Variants in RBFOX1 observed in about 807,000 individuals in gnomAD.
The protein encoded by RBFOX1 is RNA binding protein fox-1 homolog 1.
A neutral mutation model predicts 57.7 loss-of-function variants in RBFOX1; 8 were observed. That is an observed-to-expected ratio of 0.14 (90% CI 0.08 to 0.25). The LOEUF (loss-of-function observed/expected upper bound fraction) is 0.25, where lower values mean the gene tolerates loss of function less well. Among genes scored for constraint, RBFOX1 ranks in the 10% least tolerant of loss-of-function variants. The pLI, the probability that RBFOX1 is intolerant of heterozygous loss-of-function variation, is 1.00. For missense variants in RBFOX1, 611 were observed against 548.5 expected (o/e 1.11, Z -1.14); for synonymous variants, 326 against 222.4 (o/e 1.47, Z -4.15).
intron 3 of RBFOX1, among the ~76,000 whole-genome samples, chr16:6,812,313 C>G (rs573298439): frequency 1.2e-4 from 18 of 152,258 alleles, no homozygotes; most frequent in African/African-American, 3.4e-4. Flanking sequence ...CTAACAGAAC[C>G]TTAGAAAGGA....
At chr16:5,760,443 A>T (rs1205240972) in intron 3 of RBFOX1, among the ~76,000 whole-genome samples, 1 of 152,180 alleles carries the variant, frequency 6.6e-6, no homozygotes, top group African/African-American at 2.4e-5. Context: ...TAGGTATTCA[A>T]TTACATGTCC....
At chr16:5,752,450 A>G (rs1482448473) in intron 3 of RBFOX1, among the ~76,000 whole-genome samples, 1 of 152,190 alleles carries the variant, frequency 6.6e-6, no homozygotes, top group Admixed American at 6.5e-5. Flanking sequence ...TGCTCCAAAC[A>G]TTCACTATTG....
At chr16:6,816,600 C>T (rs113710030) in intron 3 of RBFOX1, among the ~76,000 whole-genome samples, 13,714 of 151,384 alleles carry the variant, frequency 0.091, 977 homozygotes, top group African/African-American at 0.19. Context: ...ATTAGCCAGG[C>T]GTGGTGGCGG....
At chr16:6,496,908 C>A (rs180851999) in intron 2 of RBFOX1, among the ~76,000 whole-genome samples, 3 of 151,894 alleles carry the variant, frequency 2.0e-5, no homozygotes, top group East Asian at 1.9e-4. Flanking sequence ...TGTGGTGAGC[C>A]GAGACTACGC....
chr16:6,394,319 T>C (rs1463674438), intron 2 of RBFOX1, among the ~76,000 whole-genome samples: 7 of 152,216 alleles, frequency 4.6e-5, no homozygotes, highest in African/African-American at 7.2e-5. Context: ...AGTGCTGAGA[T>C]CCACAGATGA....
chr16:6,383,153 A>G (rs1328214047), intron 2 of RBFOX1, among the ~76,000 whole-genome samples: 1 of 152,238 alleles, frequency 6.6e-6, no homozygotes, highest in Non-Finnish European at 1.5e-5. Context: ...CGCTCCCACA[A>G]CATTTTGGTA....
At chr16:7,353,339 T>C (rs528865484) in intron 4 of RBFOX1, among the ~76,000 whole-genome samples, 2 of 152,110 alleles carry the variant, frequency 1.3e-5, no homozygotes, top group Non-Finnish European at 2.9e-5. Flanking sequence ...TGCGGAGAAA[T>C]TGGAATGCAC....
chr16:6,162,191 C>T (rs190557737), intron 1 of RBFOX1, among the ~76,000 whole-genome samples: 3 of 152,170 alleles, frequency 2.0e-5, no homozygotes, highest in African/African-American at 7.2e-5. Flanking sequence ...CATCTTGGCT[C>T]ACTGCAACTT....
intron 1 of RBFOX1, among the ~76,000 whole-genome samples, chr16:6,245,699 C>CA (rs2097565450): frequency 1.3e-5 from 2 of 152,262 alleles, no homozygotes; most frequent in Admixed American, 6.5e-5. Flanking sequence ...ATTCTTTCTT[C>CA]ATGAAGCAGG....
intron 1 of RBFOX1, among the ~76,000 whole-genome samples, chr16:6,164,085 C>A (rs1002770560): frequency 6.6e-6 from 1 of 152,130 alleles, no homozygotes; most frequent in African/African-American, 2.4e-5. Context: ...TTAGTCCTCA[C>A]GCTGTACTCA....
rs117998702 is a variant in RBFOX1 at position 6,655,076 on chromosome 16, T to C, written c.-16+426T>C. Among the ~76,000 whole-genome samples, 1,417 of 151,542 alleles carry C rather than the reference T, an allele frequency of 9.4e-3. 8 individuals carry two copies. The highest frequency in any genetic ancestry group is 0.017 in the Non-Finnish European group (1,142 of 67,914). On this transcript the variant is annotated intron_variant, in intron 3 of 15. Transcript: ENST00000550418. ...GTCCCTATATATCTGACTCATACAC[T>C]TGAAAAAGAGCTCACGGCCAGGTGT... is the stretch of plus-strand genomic sequence containing the variant.
At chr16:7,017,977 C>A (rs781477422) in intron 3 of RBFOX1, among the ~76,000 whole-genome samples, 1 of 152,102 alleles carries the variant, frequency 6.6e-6, no homozygotes, top group Non-Finnish European at 1.5e-5. Flanking sequence ...TCTCTACGGG[C>A]AGTTGTGGTC....
intron 1 of RBFOX1, among the ~76,000 whole-genome samples, chr16:5,329,328 G>A (rs1444818139): frequency 6.6e-6 from 1 of 152,158 alleles, no homozygotes; most frequent in Non-Finnish European, 1.5e-5. Flanking sequence ...AGGTGAAGGG[G>A]AAGCAGACAT....
rs200786912 is a variant in RBFOX1 at position 7,338,336 on chromosome 16, C to T, written c.28-179811C>T. Among the ~76,000 whole-genome samples the T allele has an allele frequency of 8.5e-5, 13 of 152,202 alleles. No individual in the cohort carries two copies. In the East Asian group the frequency reaches 2.5e-3, roughly 29 times the overall value. On this transcript the variant is annotated intron_variant, in intron 4 of 15. Transcript: ENST00000550418. ...TAGCTAGACAGTGGCAGAAAAATGC[C>T]AATGTATGCCTCTCTGACGTGGATA...
chr16:6,733,282 A>G (rs1272255909), intron 3 of RBFOX1, among the ~76,000 whole-genome samples: 1 of 152,122 alleles, frequency 6.6e-6, no homozygotes, highest in Admixed American at 6.5e-5. Flanking sequence ...AGAAACAAAT[A>G]TGACTTGGGA....
At chr16:7,353,764 A>G (rs1251707699) in intron 4 of RBFOX1, among the ~76,000 whole-genome samples, 1 of 152,218 alleles carries the variant, frequency 6.6e-6, no homozygotes, top group African/African-American at 2.4e-5. Flanking sequence ...GCAAACCTAT[A>G]GTAGCTTAAA....
intron 7 of RBFOX1, among the ~76,000 whole-genome samples, chr16:7,594,249 G>C (rs543910904): frequency 6.6e-6 from 1 of 151,894 alleles, no homozygotes; most frequent in East Asian, 1.9e-4. Context: ...ATCACCAGTT[G>C]GTTATAACTA....
intron 3 of RBFOX1, among the ~76,000 whole-genome samples, chr16:6,655,034 T>G (rs114929799): frequency 0.016 from 2,357 of 151,696 alleles, 67 homozygotes; most frequent in African/African-American, 0.053. Flanking sequence ...TATATAATAT[T>G]AGGCTTCCCA....
intron 1 of RBFOX1, among the ~76,000 whole-genome samples, chr16:6,209,883 C>A (rs1041517223): frequency 6.6e-6 from 1 of 152,204 alleles, no homozygotes; most frequent in Non-Finnish European, 1.5e-5. Context: ...TTATTAGTTT[C>A]ATTGCTTAAT....
Sources: allele counts gnomAD v4.1 joint callset (sites outside exome capture counted in the v4.1 genomes callset), GRCh38; gene constraint gnomAD v4.1.1; transcripts MANE v1.5; gene names NCBI Gene and HGNC (gene_info 2026-07-23, HGNC 2026-07-21).